The following CDC6 variants were observed in gnomAD, a reference collection of about 807,000 sequenced individuals.
CDC6 encodes cell division cycle 6.
A neutral mutation model predicts 60.2 loss-of-function variants in CDC6; 46 were observed. That is an observed-to-expected ratio of 0.76 (90% CI 0.60 to 0.98). The LOEUF (loss-of-function observed/expected upper bound fraction) is 0.98. Ranked by LOEUF, CDC6 falls within the 50% of genes least tolerant of loss-of-function variation. The probability of loss-of-function intolerance (pLI) is 0.00; values close to 1 mark genes in which losing one functional copy is unlikely to be tolerated. For missense variants in CDC6, 596 were observed against 652.9 expected (o/e 0.91, Z 0.95); for synonymous variants, 210 against 233.2 (o/e 0.90, Z 0.90).
chr17:40,293,333 A>G (rs2032798636), intron 4 of CDC6, 123 bp from the exon 5 acceptor site: 2 of 718,596 alleles, frequency 2.8e-6, no homozygotes, highest in East Asian at 2.7e-5. Flanking sequence ...CATTGTTTAA[A>G]TCTTTCCAAA....
intron 9 of CDC6, among the ~76,000 whole-genome samples, chr17:40,297,659 T>C (rs1057470636): frequency 1.3e-5 from 2 of 152,248 alleles, no homozygotes; most frequent in South Asian, 4.1e-4. Context: ...TCCTAGCTAC[T>C]TGGCAGGCTG....
In CDC6 at chr17:40,302,122, A is replaced by T. The variant is rs372529746; in HGVS notation, c.*121A>T. ...ATATGACCTTTTTTACTTGAAGCCA[A>T]TGAATTTTAATCTATAGATTCTTTA... On this transcript the variant is annotated 3_prime_UTR_variant, in exon 12 of 12. Coordinates refer to ENST00000209728, the MANE Select transcript of CDC6 (RefSeq NM_001254.4). 1.3e-6 allele frequency: 1 copy of T among 748,066 alleles called. No homozygotes were observed. Among genetic ancestry groups the T allele is most frequent in the Non-Finnish European group, 2.5e-6 (1 of 407,402 alleles). 46.3% of individuals were successfully genotyped at this position (748,066 alleles called of 1,614,324 possible). A position where few individuals can be genotyped will look rare whatever the true frequency, so the allele number is the denominator to read the frequency against.
chr17:40,293,899 T>G, intron 5 of CDC6, 51 bp from the exon 6 acceptor site: 1 of 1,459,472 alleles, frequency 6.9e-7, no homozygotes, highest in Non-Finnish European at 9.6e-7. Context: ...ATATCAAACA[T>G]TAGAGGGTTA....
intron 7 of CDC6, 31 bp from the exon 8 acceptor site, chr17:40,295,325 C>G: frequency 7.1e-7 from 1 of 1,399,552 alleles, no homozygotes. Context: ...TCTTATGGTT[C>G]AAACTGTCAT....
chr17:40,302,438 C>T lies in CDC6; in HGVS notation c.*437C>T, dbSNP rs1281059586. 2 of 168,784 alleles carry T rather than the reference C, an allele frequency of 1.2e-5. No individual in the cohort carries two copies. The highest frequency in any genetic ancestry group is 2.6e-5 in the Non-Finnish European group (2 of 78,276). 10.5% of individuals were successfully genotyped at this position (168,784 alleles called of 1,614,324 possible). ...GGCGCGTTCTCTGCTCACTACAGCA[C>T]CCGCTTCCCAGGTTGAAGTGATTCT... On this transcript the variant is annotated 3_prime_UTR_variant, in exon 12 of 12. Coordinates refer to ENST00000209728, the MANE Select transcript of CDC6 (RefSeq NM_001254.4).
rs1473973245 is a variant in CDC6 at position 40,293,642 on chromosome 17, T to C, written c.836+11T>C. 1 of 1,600,650 alleles carries C rather than the reference T, an allele frequency of 6.2e-7. No individual in the cohort carries two copies. Among genetic ancestry groups the C allele is most frequent in the African/African-American group, 1.3e-5 (1 of 74,708 alleles). ...GAAGGGCCCCATGATGTAAGTATTG[T>C]TCTGCTTCATGTTGCTCTGTGAAAA... On this transcript the variant is annotated intron_variant, in intron 5 of 11. Coordinates refer to ENST00000209728, the MANE Select transcript of CDC6 (RefSeq NM_001254.4).
chr17:40,292,415 A>G (rs1375744673), intron 4 of CDC6, among the ~76,000 whole-genome samples: 1 of 148,314 alleles, frequency 6.7e-6, no homozygotes. Flanking sequence ...TGGATCACCT[A>G]AGGTCAGGAG....
chr17:40,293,707 A>G (rs1475322314), intron 5 of CDC6, 76 bp downstream of exon 5: 1 of 1,200,802 alleles, frequency 8.3e-7, no homozygotes, highest in African/African-American at 1.5e-5. Flanking sequence ...CATTTTGTAT[A>G]TTTTCTCTCT....
intron 4 of CDC6, among the ~76,000 whole-genome samples, chr17:40,292,521 G>C (rs936373668): frequency 3.9e-5 from 6 of 152,076 alleles, no homozygotes; most frequent in African/African-American, 1.4e-4. Flanking sequence ...TATAATCCCA[G>C]CTACTCGGGA....
chr17:40,294,054 T>C lies in CDC6; in HGVS notation c.941T>C (p.Ile314Thr), dbSNP rs1435039121. 3 of 1,597,018 alleles carry C rather than the reference T, an allele frequency of 1.9e-6. No homozygotes were observed. The highest frequency in any genetic ancestry group is 1.3e-5 in the African/African-American group (1 of 74,708). Residue 314 changes from isoleucine to threonine, a missense_variant and splice_region_variant, in exon 6 of 12, where the codon ATT becomes ACT. By Grantham distance (89) the Ile-to-Thr change is moderately conservative. Coordinates refer to ENST00000209728, the MANE Select transcript of CDC6 (RefSeq NM_001254.4). ...PWLSNSHLVL[I>T]GIANTLDLTD... ...CTAAGCAATTCTCACTTGGTGCTGA[T>C]TGGTTAGTGCTCAATTGTTAATGTT... is the stretch of plus-strand genomic sequence containing the variant.
At chr17:40,301,072 AAT>A in intron 10 of CDC6, 42 bp downstream of exon 10, 2 of 1,384,214 alleles carry the variant, frequency 1.4e-6, no homozygotes, top group Non-Finnish European at 2.1e-6. Flanking sequence ...TAGAGATCAG[AAT>A]CTGCTTTGCA....
rs191255140 is a variant in CDC6, at chr17:40,303,342, G to T, written c.*1341G>T. 7 of 152,350 alleles carry T rather than the reference G, an allele frequency of 4.6e-5. No individual in the cohort carries two copies. In the East Asian group the frequency reaches 7.7e-4, roughly 17 times the overall value. The allele number at this position is 152,350 out of a possible 1,614,324, so 9.4% of individuals were successfully genotyped here. ...AATGTAAACCATGTGTGATACGAAT[G>T]ATCTGAGAGCCAGTGACCAAGTCTG... On this transcript the variant is annotated 3_prime_UTR_variant, in exon 12 of 12. Coordinates refer to ENST00000209728, the MANE Select transcript of CDC6 (RefSeq NM_001254.4).
At chr17:40,299,461 A>G (rs1322476310) in intron 9 of CDC6, among the ~76,000 whole-genome samples, 2 of 151,666 alleles carry the variant, frequency 1.3e-5, no homozygotes, top group African/African-American at 4.8e-5. Context: ...TGTCCCCACT[A>G]TGTGTCTATG....
chr17:40,297,733 A>G (rs1207231318), intron 9 of CDC6, among the ~76,000 whole-genome samples: 3 of 152,090 alleles, frequency 2.0e-5, no homozygotes, highest in Non-Finnish European at 4.4e-5. Context: ...GTGCCACTGC[A>G]CTGCCAGCCT....
In CDC6 at chr17:40,304,567, C is replaced by T. The variant is rs1182010378; in HGVS notation, c.*2566C>T. ...CTATATCCTGGTTTATCTCTCTCCC[C>T]CACCCCAAGGAAGCTGATTAAGCTT... is the stretch of plus-strand genomic sequence containing the variant. On this transcript the variant is annotated 3_prime_UTR_variant, in exon 12 of 12. Coordinates refer to ENST00000209728, the MANE Select transcript of CDC6 (RefSeq NM_001254.4). The T allele has an allele frequency of 6.6e-6, 1 of 152,184 alleles. No individual in the cohort carries two copies. The highest frequency in any genetic ancestry group is 1.9e-4 in the East Asian group (1 of 5,190). The allele number at this position is 152,184 out of a possible 1,614,324, so 9.4% of individuals were successfully genotyped here.
Position 40,291,476 on chromosome 17 carries a change from C to T in CDC6, c.468C>T (p.Cys156=). Residue 156 remains cysteine (C), a synonymous_variant, in exon 4 of 12, where the codon TGC becomes TGT. Transcript: ENST00000209728. ...CVRLFKQEGT[C]YQQAKLVLNT... Reference sequence around the variant, plus strand: ...CTTTTATGTCTGGCACAGGCACTTGCTACCAGCAAGCAAAGCTGGTCCTGA... The same window carrying T: ...CTTTTATGTCTGGCACAGGCACTTGTTACCAGCAAGCAAAGCTGGTCCTGA... 6.2e-7 allele frequency: 1 copy of T among 1,614,188 alleles called. No individual in the cohort carries two copies. Among genetic ancestry groups the T allele is most frequent in the Non-Finnish European group, 8.5e-7 (1 of 1,180,018 alleles).
intron 7 of CDC6, among the ~76,000 whole-genome samples, chr17:40,295,076 T>C (rs2032838767): frequency 1.3e-5 from 2 of 152,206 alleles, no homozygotes; most frequent in South Asian, 4.1e-4. Context: ...GAAAAAACTT[T>C]TTCTGTTGAA....
chr17:40,301,466 A>G lies in CDC6; in HGVS notation c.1453-2A>G. ...CGTTTGTTCTCCCTTGTTTCCTACCAGTTATATGAAGCCTACAGTAAAGTC... is the reference window on the plus strand; with the variant it reads ...CGTTTGTTCTCCCTTGTTTCCTACCGGTTATATGAAGCCTACAGTAAAGTC... On this transcript the variant is annotated splice_acceptor_variant, in intron 10 of 11. Transcript: ENST00000209728. LOFTEE classifies it high-confidence loss of function. 6.2e-7 allele frequency: 1 copy of G among 1,613,970 alleles called. No homozygotes were observed. The highest frequency in any genetic ancestry group is 8.5e-7 in the Non-Finnish European group (1 of 1,179,812).
At chr17:40,300,626 C>T (rs1291637917) in intron 9 of CDC6, among the ~76,000 whole-genome samples, 1 of 152,140 alleles carries the variant, frequency 6.6e-6, no homozygotes, top group African/African-American at 2.4e-5. Context: ...TCAAGTCATC[C>T]CACATTATTT....
Sources: allele counts gnomAD v4.1 joint callset (sites outside exome capture counted in the v4.1 genomes callset), GRCh38; gene constraint gnomAD v4.1.1; transcripts MANE v1.5; gene names NCBI Gene and HGNC (gene_info 2026-07-23, HGNC 2026-07-21).